PLCL2: variants seen among roughly 807,000 people sequenced by gnomAD.
The protein encoded by PLCL2 is inactive phospholipase C-like protein 2.
In PLCL2, 4 loss-of-function variants were observed where a neutral mutation model predicts 79.6. The ratio of observed to expected loss-of-function variants is 0.05; its 90% CI spans 0.02 to 0.11. PLCL2 has a LOEUF of 0.11. PLCL2 is among the 10% of genes least tolerant of loss of function. The pLI is 1.00. For missense variants in PLCL2, 895 were observed against 1,291.0 expected (o/e 0.69, Z 4.70); for synonymous variants, 484 against 457.7 (o/e 1.06, Z -0.73).
chr3:16,912,838 A>G (rs1292655422), intron 1 of PLCL2, among the ~76,000 whole-genome samples: 1 of 152,202 alleles, frequency 6.6e-6, no homozygotes, highest in Non-Finnish European at 1.5e-5. Flanking sequence ...TTTTTGAGAC[A>G]TTGGTGTTGG....
chr3:17,080,739 C>T (rs1378005951), intron 5 of PLCL2, among the ~76,000 whole-genome samples: 1 of 152,224 alleles, frequency 6.6e-6, no homozygotes, highest in Non-Finnish European at 1.5e-5. Context: ...GTGTGAGCCA[C>T]CACACCCGTT....
intron 1 of PLCL2, among the ~76,000 whole-genome samples, chr3:16,960,259 T>C (rs2063743261): frequency 6.6e-6 from 1 of 152,174 alleles, no homozygotes. Context: ...CCCACTCCAT[T>C]GTCTTGTATG....
At chr3:16,986,067 T>G (rs2064047543) in intron 1 of PLCL2, among the ~76,000 whole-genome samples, 1 of 151,844 alleles carries the variant, frequency 6.6e-6, no homozygotes, top group Non-Finnish European at 1.5e-5. Flanking sequence ...AGACACCTTG[T>G]CCAACCAATA....
chr3:16,893,366 C>T (rs1019497577), intron 1 of PLCL2, among the ~76,000 whole-genome samples: 2 of 152,028 alleles, frequency 1.3e-5, no homozygotes, highest in Non-Finnish European at 2.9e-5. Flanking sequence ...ATTATTGTTT[C>T]GGAATTGTCA....
intron 3 of PLCL2, among the ~76,000 whole-genome samples, chr3:17,023,989 C>T (rs1397676063): frequency 6.6e-6 from 1 of 152,158 alleles, no homozygotes; most frequent in African/African-American, 2.4e-5. Flanking sequence ...GCAGCCTTTC[C>T]CTCTCTGCTG....
chr3:17,085,592 G>T (rs2065210371), intron 5 of PLCL2, among the ~76,000 whole-genome samples: 1 of 152,108 alleles, frequency 6.6e-6, no homozygotes, highest in Non-Finnish European at 1.5e-5. Flanking sequence ...TGGGACTACA[G>T]GCGCCCGCCA....
rs547582289 is a variant in PLCL2 at position 16,904,306 on chromosome 3, C to CAAAAAAAAA, written c.327+18943_327+18951dup. Among the ~76,000 whole-genome samples the CAAAAAAAAA allele has an allele frequency of 5.7e-4, 66 of 116,112 alleles. 1 individual carries two copies. Among genetic ancestry groups the CAAAAAAAAA allele is most frequent in the Non-Finnish European group, 9.1e-4 (50 of 54,890 alleles). 76.2% of individuals were successfully genotyped at this position (116,112 alleles called of 152,430 possible). On this transcript the variant is annotated intron_variant, in intron 1 of 5. Transcript: ENST00000615277. ...CCTTAACCTTTTCAAGAGATCTTGA[C>CAAAAAAAAA]AAAAAAAAAAAGCAAACTTTGGAGT...
At chr3:17,066,384 G>GCCA (rs748842303) in intron 4 of PLCL2, among the ~76,000 whole-genome samples, 6 of 152,116 alleles carry the variant, frequency 3.9e-5, no homozygotes, top group Non-Finnish European at 5.9e-5. Flanking sequence ...GCCTAAATTG[G>GCCA]CCATTTATTG....
At chr3:16,895,791 CT>C (rs1696465968) in intron 1 of PLCL2, among the ~76,000 whole-genome samples, 1 of 152,216 alleles carries the variant, frequency 6.6e-6, no homozygotes, top group Non-Finnish European at 1.5e-5. Flanking sequence ...CAGCAGATGA[CT>C]GCCCTATGCA....
At chr3:16,894,069 C>T (rs535615445) in intron 1 of PLCL2, among the ~76,000 whole-genome samples, 1 of 152,232 alleles carries the variant, frequency 6.6e-6, no homozygotes, top group East Asian at 1.9e-4. Context: ...TTGCAGCTAC[C>T]ATCAGAATTA....
At chr3:16,988,640 T>A (rs1344013986) in intron 1 of PLCL2, among the ~76,000 whole-genome samples, 1 of 152,128 alleles carries the variant, frequency 6.6e-6, no homozygotes, top group African/African-American at 2.4e-5. Flanking sequence ...GTACTGCAGT[T>A]CTATAAATGG....
chr3:16,916,318 G>A (rs1191042823), intron 1 of PLCL2, among the ~76,000 whole-genome samples: 2 of 152,164 alleles, frequency 1.3e-5, no homozygotes, highest in African/African-American at 2.4e-5. Context: ...CCTTTGTTGG[G>A]TTATAGGTTT....
chr3:17,025,898 AAGACTC>A (rs11279038), intron 3 of PLCL2, among the ~76,000 whole-genome samples: 3,516 of 152,254 alleles, frequency 0.023, 129 homozygotes, highest in African/African-American at 0.079. Flanking sequence ...CATGAGTGGG[AAGACTC>A]ACCGTCACCC....
At chr3:16,996,285 A>G (rs1393296198) in intron 1 of PLCL2, among the ~76,000 whole-genome samples, 1 of 152,044 alleles carries the variant, frequency 6.6e-6, no homozygotes, top group East Asian at 1.9e-4. Flanking sequence ...TCAGGGCATC[A>G]GGAGACTTAG....
chr3:16,944,279 A>G (rs1308049535), intron 1 of PLCL2, among the ~76,000 whole-genome samples: 1 of 152,196 alleles, frequency 6.6e-6, no homozygotes, highest in Non-Finnish European at 1.5e-5. Flanking sequence ...TCTTTTTATT[A>G]TTAGGATTTC....
At chr3:16,942,236 T>C (rs1323901496) in intron 1 of PLCL2, among the ~76,000 whole-genome samples, 1 of 152,218 alleles carries the variant, frequency 6.6e-6, no homozygotes, top group Non-Finnish European at 1.5e-5. Context: ...GAGAGTGCCT[T>C]GTTCTCTTTT....
chr3:17,060,897 G>C (rs1479558621), intron 4 of PLCL2, among the ~76,000 whole-genome samples: 1 of 151,988 alleles, frequency 6.6e-6, no homozygotes, highest in African/African-American at 2.4e-5. Flanking sequence ...TTTAGCTTTT[G>C]CTTTTAATTT....
At chr3:17,008,762 A>C (rs1219023063) in intron 1 of PLCL2, among the ~76,000 whole-genome samples, 1 of 152,054 alleles carries the variant, frequency 6.6e-6, no homozygotes, top group East Asian at 1.9e-4. Context: ...AATTCTTAAT[A>C]ATTTTTAATC....
rs530463347 is a variant in PLCL2, at chr3:17,072,398, G to C, written c.3204+4333G>C. On this transcript the variant is annotated intron_variant, in intron 5 of 5. Transcript: ENST00000615277. ...AAGATGACAATATGGGCCGGGCATG[G>C]TAGCTCACACCTGTAATCCCAGCAC... Among the ~76,000 whole-genome samples the C allele has an allele frequency of 3.3e-5, 5 of 152,176 alleles. No individual in the cohort carries two copies. The East Asian group carries it at 9.7e-4, about 29-fold the overall frequency.
Sources: allele counts gnomAD v4.1 joint callset (sites outside exome capture counted in the v4.1 genomes callset), GRCh38; gene constraint gnomAD v4.1.1; transcripts MANE v1.5; gene names NCBI Gene and HGNC (gene_info 2026-07-23, HGNC 2026-07-21).